GBE1: variants seen among roughly 807,000 people sequenced by gnomAD.
The protein encoded by GBE1 is 1,4-alpha-glucan-branching enzyme.
A neutral mutation model predicts 88.8 loss-of-function variants in GBE1; 70 were observed. The observed-to-expected ratio is 0.79, with a 90% CI of 0.65 to 0.96. The LOEUF (loss-of-function observed/expected upper bound fraction) is 0.96, where lower values mean the gene tolerates loss of function less well. GBE1 is among the 40% of genes least tolerant of loss of function. The pLI, the probability that GBE1 is intolerant of heterozygous loss-of-function variation, is 0.00. For missense variants in GBE1, 872 were observed against 871.0 expected (o/e 1.00, Z -0.01); for synonymous variants, 284 against 300.1 (o/e 0.95, Z 0.56).
intron 15 of GBE1, among the ~76,000 whole-genome samples, chr3:81,497,060 T>C (rs544870690): frequency 6.6e-6 from 1 of 152,314 alleles, no homozygotes; most frequent in Non-Finnish European, 1.5e-5. Context: ...TTCTTTATTC[T>C]ACCTGATAAT....
At chr3:81,705,274 C>T (rs1312180227) in intron 2 of GBE1, among the ~76,000 whole-genome samples, 170 bp downstream of exon 2, 1 of 152,060 alleles carries the variant, frequency 6.6e-6, no homozygotes, top group Non-Finnish European at 1.5e-5. Context: ...ATAACAGAAA[C>T]AGCTGCACCA....
chr3:81,660,472 T>C (rs1705010672), intron 3 of GBE1, among the ~76,000 whole-genome samples: 1 of 152,164 alleles, frequency 6.6e-6, no homozygotes, highest in Non-Finnish European at 1.5e-5. Flanking sequence ...AGAAAACTAC[T>C]GAATAAACTA....
At chr3:81,737,713 GTC>G (rs1176365393) in intron 1 of GBE1, among the ~76,000 whole-genome samples, 1 of 148,976 alleles carries the variant, frequency 6.7e-6, no homozygotes, top group African/African-American at 2.5e-5. Context: ...TTATGTATCA[GTC>G]TCTCGTAGAT....
intron 12 of GBE1, among the ~76,000 whole-genome samples, chr3:81,568,241 G>A (rs189863716): frequency 1.4e-4 from 22 of 152,004 alleles, no homozygotes; most frequent in Admixed American, 1.4e-3. Context: ...TCTGCCTCCC[G>A]GGTTCAAGTG....
chr3:81,658,071 AT>A (rs1704967907), intron 3 of GBE1, among the ~76,000 whole-genome samples: 1 of 152,174 alleles, frequency 6.6e-6, no homozygotes. Flanking sequence ...AGATACCATT[AT>A]TTTAGATTTC....
chr3:81,710,685 T>C (rs1705853226), intron 1 of GBE1, among the ~76,000 whole-genome samples: 1 of 152,146 alleles, frequency 6.6e-6, no homozygotes, highest in South Asian at 2.1e-4. Context: ...ATTCAATAAA[T>C]GGTGGCTGGA....
intron 1 of GBE1, among the ~76,000 whole-genome samples, chr3:81,749,212 G>A (rs1161813373): frequency 1.3e-5 from 2 of 151,690 alleles, no homozygotes; most frequent in African/African-American, 2.4e-5. Context: ...CCTTCAACAG[G>A]TTAATAAACA....
chr3:81,612,639 A>T, intron 7 of GBE1: 2 of 577,876 alleles, frequency 3.5e-6, no homozygotes. Context: ...AGTTTGTTAC[A>T]TTTCTATTCG....
chr3:81,717,545 T>G (rs960318218), intron 1 of GBE1, among the ~76,000 whole-genome samples: 1 of 152,134 alleles, frequency 6.6e-6, no homozygotes, highest in African/African-American at 2.4e-5. Flanking sequence ...TCAAACACTG[T>G]CAAAAATGCT....
intron 2 of GBE1, among the ~76,000 whole-genome samples, chr3:81,686,756 A>AAAAATAAAAT (rs1221507122): frequency 6.6e-6 from 1 of 152,178 alleles, no homozygotes; most frequent in African/African-American, 2.4e-5. Context: ...ACTCTGACTC[A>AAAAATAAAAT]AAAATAAAAT....
At chr3:81,695,754 T>C (rs929452521) in intron 2 of GBE1, among the ~76,000 whole-genome samples, 1 of 152,316 alleles carries the variant, frequency 6.6e-6, no homozygotes. Flanking sequence ...AAAACTCACT[T>C]ATGTGTCCAT....
At chr3:81,496,942 C>T (rs376448620) in intron 15 of GBE1, among the ~76,000 whole-genome samples, 28 of 152,162 alleles carry the variant, frequency 1.8e-4, no homozygotes, top group African/African-American at 6.3e-4. Flanking sequence ...CCTTATCTCA[C>T]GGCTGTGTTG....
chr3:81,600,170 A>G (rs1704012833), intron 7 of GBE1, among the ~76,000 whole-genome samples: 1 of 152,146 alleles, frequency 6.6e-6, no homozygotes, highest in African/African-American at 2.4e-5. Context: ...CTGAGGCAGG[A>G]GAATTGCTTG....
Position 81,499,198 on chromosome 3 carries a change from G to T in GBE1, c.1964C>A (p.Ala655Glu). The change falls in exon 15 of 16, where the codon GCG (alanine) becomes GAG (glutamate). Residue 655 changes from alanine to glutamate, a missense_variant. Physicochemically the swap from Ala to Glu is moderately radical, Grantham distance 107. Transcript: ENST00000429644. ...KFKIVLDSDA[A>E]EYGGHQRLDH... ...CAGTCTCTGATGCCCTCCATATTCCGCTGCATCTGAATCTAGCACAATTTT... is the reference window on the plus strand; with the variant it reads ...CAGTCTCTGATGCCCTCCATATTCCTCTGCATCTGAATCTAGCACAATTTT... 2 of 1,609,998 alleles carry T rather than the reference G, an allele frequency of 1.2e-6. No individual in the cohort carries two copies. Among genetic ancestry groups the T allele is most frequent in the Non-Finnish European group, 1.7e-6 (2 of 1,177,392 alleles).
intron 7 of GBE1, among the ~76,000 whole-genome samples, chr3:81,614,703 C>A (rs1238972723): frequency 1.3e-5 from 2 of 151,896 alleles, no homozygotes; most frequent in African/African-American, 4.8e-5. Flanking sequence ...ACTAAAGATA[C>A]AAAAAATTAG....
intron 1 of GBE1, among the ~76,000 whole-genome samples, chr3:81,720,462 GT>G (rs959578166): frequency 1.1e-3 from 165 of 151,828 alleles, no homozygotes; most frequent in Non-Finnish European, 1.1e-3. Context: ...CACAGGTACA[GT>G]TTGGCAAGTA....
intron 12 of GBE1, among the ~76,000 whole-genome samples, chr3:81,576,018 C>T (rs1287294420): frequency 6.6e-6 from 1 of 151,878 alleles, no homozygotes; most frequent in South Asian, 2.1e-4. Context: ...ACTTTTTAAC[C>T]TCCTGCTAAA....
At chr3:81,542,761 C>G (rs1398897121) in intron 12 of GBE1, among the ~76,000 whole-genome samples, 1 of 152,046 alleles carries the variant, frequency 6.6e-6, no homozygotes, top group Non-Finnish European at 1.5e-5. Context: ...TGTTCACCAC[C>G]TGGGTGACAG....
intron 3 of GBE1, among the ~76,000 whole-genome samples, chr3:81,669,124 C>T (rs1401864907): frequency 6.6e-6 from 1 of 152,136 alleles, no homozygotes; most frequent in African/African-American, 2.4e-5. Context: ...CAAAGCTCCA[C>T]TATGATTGGG....
Sources: gnomAD v4.1 joint callset for allele counts (sites outside exome capture counted in the v4.1 genomes callset) on GRCh38, gnomAD v4.1.1 for gene constraint, MANE v1.5 for transcripts, NCBI Gene and HGNC (gene_info 2026-07-23, HGNC 2026-07-21) for gene names.